TP53BP1: variants seen among roughly 807,000 people sequenced by gnomAD.
The protein encoded by TP53BP1 is TP53-binding protein 1.
Under a neutral mutation model 200.8 loss-of-function variants are expected in TP53BP1, and 61 were observed. The ratio of observed to expected loss-of-function variants is 0.30; its 90% confidence interval spans 0.25 to 0.38. TP53BP1 has a LOEUF of 0.38. Ranked by LOEUF, TP53BP1 falls within the 10% of genes least tolerant of loss-of-function variation. The probability of loss-of-function intolerance (pLI) is 1.00; values close to 1 mark genes in which losing one functional copy is unlikely to be tolerated. For missense variants in TP53BP1, 2,144 were observed against 2,371.9 expected, an observed-to-expected ratio of 0.90 and a Z score of 2.00; for synonymous variants, 822 against 844.3, an observed-to-expected ratio of 0.97 and a Z score of 0.46.
In TP53BP1 at chr15:43,421,031, C is replaced by G. The variant is rs1205621523; in HGVS notation, c.4244G>C (p.Gly1415Ala). 1 of 1,612,678 alleles carries G rather than the reference C, an allele frequency of 6.2e-7. No homozygotes were observed. Reference sequence around the variant, plus strand: ...TCTTACACTACCCAGGTACCTGGTTCCAGTGGTCCGAGAAGGTGGGCGGCC... The same window carrying G: ...TCTTACACTACCCAGGTACCTGGTTGCAGTGGTCCGAGAAGGTGGGCGGCC... Reference protein sequence around the residue: ...RRGRPPSRTTGTRETAVPGPL... With the variant: ...RRGRPPSRTTATRETAVPGPL... The change falls in exon 20 of 28, where the codon GGA becomes GCA. Residue 1415 changes from glycine to alanine, a missense_variant. By Grantham distance (60) the Gly-to-Ala change is moderately conservative. Around this residue, in one of 4 missense-constraint regions of TP53BP1, gnomAD observed 1,700 missense variants for 1,710.3 expected, o/e 0.99. Transcript: ENST00000382044.
chr15:43,452,623 T>C (rs1051700353), intron 12 of TP53BP1, among the ~76,000 whole-genome samples: 9 of 131,014 alleles, frequency 6.9e-5, no homozygotes, highest in Non-Finnish European at 1.3e-4. Context: ...TAATTTGTAG[T>C]TAAAATTATT....
chr15:43,413,047 C>T, intron 24 of TP53BP1, 72 bp downstream of exon 24: 1 of 1,468,710 alleles, frequency 6.8e-7, no homozygotes. Context: ...AGGGGGACCA[C>T]CAGCTCATAA....
chr15:43,465,440 A>G (rs2046552145), intron 11 of TP53BP1, among the ~76,000 whole-genome samples: 1 of 152,138 alleles, frequency 6.6e-6, no homozygotes, highest in Non-Finnish European at 1.5e-5. Context: ...GAAATCACCC[A>G]GCAAGTTGAA....
chr15:43,407,765 A>G (rs2044960418), intron 27 of TP53BP1, 178 bp downstream of exon 27: 4 of 786,530 alleles, frequency 5.1e-6, no homozygotes, highest in East Asian at 5.2e-5. Flanking sequence ...AATATTTAAC[A>G]AATATACGTC....
intron 9 of TP53BP1, 64 bp downstream of exon 9, chr15:43,475,501 C>T: frequency 6.4e-7 from 1 of 1,574,020 alleles, no homozygotes; most frequent in Non-Finnish European, 8.7e-7. Context: ...TAGCCTCTTT[C>T]AGCCTTAGCC....
At position 43,492,108 on chromosome 15, in the gene TP53BP1, C is replaced by T; in HGVS notation, c.193-13G>A. 5.0e-6 allele frequency: 8 copies of T among 1,594,680 alleles called. No homozygotes were observed. The highest frequency in any genetic ancestry group is 6.9e-6 in the Non-Finnish European group (8 of 1,162,588). ...TGGACACAACATCCTAGAAAATACA[C>T]ATACAAAATATCCCCATTATATATG... On this transcript the variant is annotated splice_polypyrimidine_tract_variant and intron_variant, in intron 2 of 27. Transcript: ENST00000382044.
intron 10 of TP53BP1, among the ~76,000 whole-genome samples, chr15:43,472,170 A>C (rs690472): frequency 0.46 from 70,519 of 152,148 alleles, 21,373 homozygotes; most frequent in African/African-American, 0.87. Flanking sequence ...TCATTAGTTG[A>C]AAAATCTCTC....
rs2044801109 is a variant in TP53BP1, at chr15:43,404,731, C to T, written c.*2652G>A. The T allele has an allele frequency of 1.5e-6, 1 of 659,428 alleles. No homozygotes were observed. The highest frequency in any genetic ancestry group is 2.5e-6 in the Non-Finnish European group (1 of 405,752). The allele number at this position is 659,428 out of a possible 1,614,324, so 40.8% of individuals were successfully genotyped here. On this transcript the variant is annotated 3_prime_UTR_variant, in exon 28 of 28. Transcript: ENST00000382044. ...ATGGAGGTTATTTTCTAGTAGAAGTCATCATCATCATAAAATACTAAAAAA... is the reference window on the plus strand; with the variant it reads ...ATGGAGGTTATTTTCTAGTAGAAGTTATCATCATCATAAAATACTAAAAAA...
intron 15 of TP53BP1, among the ~76,000 whole-genome samples, chr15:43,440,958 G>C (rs2045913307): frequency 6.6e-6 from 1 of 152,122 alleles, no homozygotes; most frequent in Non-Finnish European, 1.5e-5. Flanking sequence ...GCGTTTTCAG[G>C]CTGGATGACT....
intron 11 of TP53BP1, among the ~76,000 whole-genome samples, chr15:43,460,082 A>G (rs914637461): frequency 6.6e-5 from 10 of 152,208 alleles, no homozygotes; most frequent in African/African-American, 2.4e-4. Flanking sequence ...TCATCAAAAC[A>G]TACACGTAAA....
chr15:43,420,238 TA>T, intron 21 of TP53BP1, 66 bp downstream of exon 21: 1 of 1,427,520 alleles, frequency 7.0e-7, no homozygotes. Flanking sequence ...TGGTAACTAC[TA>T]ACATAACAGA....
chr15:43,488,118 G>C (rs765729796), intron 4 of TP53BP1, among the ~76,000 whole-genome samples: 30 of 151,776 alleles, frequency 2.0e-4, no homozygotes, highest in African/African-American at 7.3e-4. Context: ...GGCCAATACA[G>C]CAAAACCCCA....
At chr15:43,466,824 T>C (rs1253591143) in intron 11 of TP53BP1, among the ~76,000 whole-genome samples, 2 of 152,106 alleles carry the variant, frequency 1.3e-5, no homozygotes, top group Admixed American at 1.3e-4. Flanking sequence ...TCCACTGCAT[T>C]CCAGCCTGAG....
At position 43,492,802 on chromosome 15, in the gene TP53BP1, C is replaced by T. The variant is rs1037399663; in HGVS notation, c.7+235G>A. 4.6e-5 allele frequency among the ~76,000 whole-genome samples: 7 copies of T among 150,702 alleles called. No individual in the cohort carries two copies. The East Asian group carries it at 1.4e-3, about 29-fold the overall frequency. On this transcript the variant is annotated intron_variant, in intron 1 of 27. Coordinates refer to ENST00000382044, the MANE Select transcript of TP53BP1 (RefSeq NM_001141980.3). ...TCCTTCTGGCGCCTCTACCTCCCCC[C>T]AAAAGAATGTTTTCTAAAATCTGTT...
At chr15:43,442,243 G>A (rs997608174) in intron 14 of TP53BP1, among the ~76,000 whole-genome samples, 8 of 151,742 alleles carry the variant, frequency 5.3e-5, no homozygotes, top group East Asian at 3.9e-4. Context: ...CCGCCACCAC[G>A]CCCGGCTAAT....
At chr15:43,431,087 T>C (rs1178588486) in intron 17 of TP53BP1, among the ~76,000 whole-genome samples, 1 of 152,090 alleles carries the variant, frequency 6.6e-6, no homozygotes, top group Non-Finnish European at 1.5e-5. Flanking sequence ...GCAGGGAGCA[T>C]ATATAGCATA....
intron 1 of TP53BP1, among the ~76,000 whole-genome samples, chr15:43,506,892 C>T (rs1054079191): frequency 1.3e-5 from 2 of 152,104 alleles, no homozygotes; most frequent in Admixed American, 6.5e-5. Flanking sequence ...AACTTCACTT[C>T]AGCCTCTAAT....
At chr15:43,415,916 C>T (rs955790289) in intron 22 of TP53BP1, 107 bp from the exon 23 acceptor site, 2 of 938,654 alleles carry the variant, frequency 2.1e-6, no homozygotes, top group Non-Finnish European at 3.3e-6. Flanking sequence ...TTCCTTCCCC[C>T]ACTTCCCATG....
At chr15:43,483,233 AACACACACAC>A (rs71431896) in intron 4 of TP53BP1, among the ~76,000 whole-genome samples, 37 of 142,820 alleles carry the variant, frequency 2.6e-4, no homozygotes, top group Middle Eastern at 3.6e-3. Context: ...AAAAGTACAG[AACACACACAC>A]ACACACACAC....
Sources: gnomAD v4.1 joint callset for allele counts (sites outside exome capture counted in the v4.1 genomes callset) on GRCh38, gnomAD v4.1.1 for gene constraint, gnomAD v4.1.1 regional missense constraint, MANE v1.5 for transcripts, NCBI Gene and HGNC (gene_info 2026-07-23, HGNC 2026-07-21) for gene names.